The following CLASP1 variants were observed in gnomAD, a reference collection of about 807,000 sequenced individuals.
The protein encoded by CLASP1 is cytoplasmic linker associated protein 1, also known as CLIP-associating protein 1.
CLASP1 carries 38 observed loss-of-function variants against 192.3 expected under a neutral mutation model. That is an observed-to-expected ratio of 0.20 (90% CI 0.15 to 0.26). The LOEUF (loss-of-function observed/expected upper bound fraction) is 0.26, where lower values mean the gene tolerates loss of function less well. Among genes scored for constraint, CLASP1 ranks in the 10% least tolerant of loss-of-function variants. CLASP1 has a pLI of 1.00. For synonymous variants in CLASP1, 691 were observed against 712.8 expected, an observed-to-expected ratio of 0.97 and a Z score of 0.49; for missense variants, 1,433 against 1,932.5, an observed-to-expected ratio of 0.74 and a Z score of 4.85.
intron 37 of CLASP1, 141 bp from the exon 39 acceptor site, chr2:121,348,859 T>A (rs2063810669): frequency 1.3e-6 from 1 of 774,842 alleles, no homozygotes; most frequent in Non-Finnish European, 2.0e-6. Context: ...GCTCAATTGT[T>A]AAACACAGAG....
exon 35 of CLASP1, chr2:121,367,637 G>T: frequency 1.2e-6 from 2 of 1,614,032 alleles, no homozygotes; most frequent in Non-Finnish European, 8.5e-7. Context: ...CTTTCAGGGC[G>T]GTCTTGTCGT....
chr2:121,391,794 C>T (rs2074399583), intron 30 of CLASP1, among the ~76,000 whole-genome samples: 1 of 152,092 alleles, frequency 6.6e-6, no homozygotes, highest in African/African-American at 2.4e-5. Flanking sequence ...ATCCCAGCTA[C>T]CCAGGAGGCT....
chr2:121,395,573 T>A (rs2075143733), intron 30 of CLASP1, among the ~76,000 whole-genome samples: 1 of 152,166 alleles, frequency 6.6e-6, no homozygotes, highest in East Asian at 1.9e-4. Flanking sequence ...CAAATCTCAT[T>A]TCTTAAACAT....
At chr2:121,363,189 T>C in exon 37 of CLASP1, 1 of 1,614,020 alleles carries the variant, frequency 6.2e-7, no homozygotes, top group Non-Finnish European at 8.5e-7. Flanking sequence ...TGGGAGTCTT[T>C]GTGGGCTTCC....
At chr2:121,499,813 GAA>G (rs1181099449) in intron 8 of CLASP1, among the ~76,000 whole-genome samples, 3 of 140,976 alleles carry the variant, frequency 2.1e-5, no homozygotes. Context: ...CCTGCTCTGG[GAA>G]AAAAAAAAAA....
At chr2:121,607,735 A>G (rs1016627440) in intron 1 of CLASP1, among the ~76,000 whole-genome samples, 4 of 152,218 alleles carry the variant, frequency 2.6e-5, no homozygotes, top group Non-Finnish European at 5.9e-5. Flanking sequence ...TCCAGAAAAC[A>G]TATCTTTGTT....
At chr2:121,482,615 C>T (rs2092679968) in intron 8 of CLASP1, among the ~76,000 whole-genome samples, 2 of 151,946 alleles carry the variant, frequency 1.3e-5, no homozygotes, top group African/African-American at 4.8e-5. Context: ...AAAGAGCACC[C>T]TAGGGGGTGA....
intron 2 of CLASP1, among the ~76,000 whole-genome samples, chr2:121,599,247 T>C (rs1371077228): frequency 6.6e-6 from 1 of 151,750 alleles, no homozygotes; most frequent in Non-Finnish European, 1.5e-5. Flanking sequence ...AGTACTATTG[T>C]TTGGGCAAGC....
chr2:121,430,853 A>T (rs2081271470), intron 19 of CLASP1, among the ~76,000 whole-genome samples: 1 of 152,154 alleles, frequency 6.6e-6, no homozygotes, highest in African/African-American at 2.4e-5. Context: ...AAGATAATCC[A>T]ATGCTGTAGG....
At chr2:121,459,947 T>G (rs1559288171) in intron 12 of CLASP1, 33 bp downstream of exon 12, 1 of 1,581,848 alleles carries the variant, frequency 6.3e-7, no homozygotes, top group Non-Finnish European at 8.6e-7. Context: ...GACACTATTT[T>G]ATGGTGAGAA....
At chr2:121,646,075 C>T (rs1028010459) in intron 1 of CLASP1, among the ~76,000 whole-genome samples, 15 of 152,146 alleles carry the variant, frequency 9.9e-5, no homozygotes, top group Non-Finnish European at 7.4e-5. Context: ...ATTTCTACTT[C>T]GCTTAGTTTT....
chr2:121,489,492 A>C (rs1476334903), intron 8 of CLASP1, among the ~76,000 whole-genome samples: 2 of 152,226 alleles, frequency 1.3e-5, no homozygotes, highest in Non-Finnish European at 2.9e-5. Flanking sequence ...TACCTGTTTC[A>C]GTAGAAGAGT....
At chr2:121,426,854 C>A (rs1023980417) in intron 21 of CLASP1, among the ~76,000 whole-genome samples, 3 of 152,094 alleles carry the variant, frequency 2.0e-5, no homozygotes, top group African/African-American at 7.2e-5. Context: ...CCAATACACT[C>A]AAATGGCAAT....
intron 14 of CLASP1, among the ~76,000 whole-genome samples, chr2:121,457,036 T>G (rs1039332871): frequency 6.6e-6 from 1 of 152,186 alleles, no homozygotes; most frequent in African/African-American, 2.4e-5. Flanking sequence ...GAATCACAGG[T>G]CTGAGCTGAA....
At chr2:121,439,707 G>A (rs2082939430) in intron 19 of CLASP1, among the ~76,000 whole-genome samples, 1 of 151,632 alleles carries the variant, frequency 6.6e-6, no homozygotes, top group East Asian at 1.9e-4. Flanking sequence ...ATGATAGACT[G>A]GATTAAGAAA....
chr2:121,377,597 G>C, exon 34 of CLASP1: 1 of 1,593,652 alleles, frequency 6.3e-7, no homozygotes, highest in Non-Finnish European at 8.6e-7. Flanking sequence ...ACTCCACGTA[G>C]AGAACTATAG....
chr2:121,486,245 C>T (rs2092963908), intron 8 of CLASP1, among the ~76,000 whole-genome samples: 1 of 152,080 alleles, frequency 6.6e-6, no homozygotes, highest in Non-Finnish European at 1.5e-5. Flanking sequence ...TGAAAAGGTA[C>T]AATGCAGGCC....
chr2:121,514,532 C>G (rs2094233855), intron 7 of CLASP1, among the ~76,000 whole-genome samples: 1 of 151,588 alleles, frequency 6.6e-6, no homozygotes, highest in African/African-American at 2.4e-5. Context: ...ACAAAAAAAA[C>G]TATTATCACA....
At chr2:121,530,946 C>G (rs564978047) in intron 2 of CLASP1, 2 of 700,398 alleles carry the variant, frequency 2.9e-6, no homozygotes, top group South Asian at 1.5e-5. Flanking sequence ...ACTGCTAACG[C>G]CTGAACAACA....
Sources: allele counts gnomAD v4.1 joint callset (sites outside exome capture counted in the v4.1 genomes callset), GRCh38; gene constraint gnomAD v4.1.1; transcripts MANE v1.5; gene names NCBI Gene and HGNC (gene_info 2026-07-23, HGNC 2026-07-21).